Variants in B3GALT1 observed in about 807,000 individuals in gnomAD.
The protein encoded by B3GALT1 is beta-1,3-galactosyltransferase 1.
B3GALT1 carries 10 observed loss-of-function variants against 23.2 expected under a neutral mutation model. The observed-to-expected ratio is 0.43, with a 90% confidence interval of 0.27 to 0.73. The LOEUF (loss-of-function observed/expected upper bound fraction) is 0.73. Among genes scored for constraint, B3GALT1 ranks in the 30% least tolerant of loss-of-function variants. The pLI is 0.21. For synonymous variants in B3GALT1, 156 were observed against 141.5 expected (o/e 1.10, Z -0.73); for missense variants, 299 against 405.4 (o/e 0.74, Z 2.25).
intron 1 of B3GALT1, among the ~76,000 whole-genome samples, chr2:167,439,192 T>A (rs1379842212): frequency 6.6e-6 from 1 of 152,220 alleles, no homozygotes; most frequent in Non-Finnish European, 1.5e-5. Context: ...TAGTGATAAA[T>A]TTAGTAATAT....
intron 3 of B3GALT1, among the ~76,000 whole-genome samples, chr2:167,801,110 C>G (rs1688630837): frequency 6.6e-6 from 1 of 152,204 alleles, no homozygotes; most frequent in South Asian, 2.1e-4. Context: ...AGGCTCTTGG[C>G]TAGAATGCAT....
intron 3 of B3GALT1, among the ~76,000 whole-genome samples, chr2:167,708,247 G>A (rs1232316012): frequency 6.6e-6 from 1 of 152,180 alleles, no homozygotes; most frequent in Admixed American, 6.5e-5. Context: ...CAGAAGGTGT[G>A]CATAAGAATA....
chr2:167,605,615 G>A (rs1221210201), intron 2 of B3GALT1, among the ~76,000 whole-genome samples: 1 of 152,190 alleles, frequency 6.6e-6, no homozygotes, highest in Non-Finnish European at 1.5e-5. Context: ...ATATGTTAAG[G>A]CCTAGCCTTG....
rs188593026 is a variant in B3GALT1 at position 167,522,778 on chromosome 2, A to C, written c.-410+32501A>C. Among the ~76,000 whole-genome samples the C allele has an allele frequency of 3.0e-3, 452 of 152,300 alleles. 4 individuals are homozygous for C. Among genetic ancestry groups the C allele is most frequent in the African/African-American group, 0.01 (432 of 41,570 alleles). On this transcript the variant is annotated intron_variant, in intron 2 of 4. Transcript: ENST00000392690. ...TCCAAAATAAAATGGTTTTCCTTAA[A>C]TTGATATTAATATGAGATTTAATGT...
Position 167,728,935 on chromosome 2 carries a change from A to G in B3GALT1, c.-352+81969A>G, listed in dbSNP as rs1687363649. 2.0e-5 allele frequency among the ~76,000 whole-genome samples: 3 copies of G among 152,334 alleles called. No homozygotes were observed. In the South Asian group the frequency reaches 6.2e-4, roughly 32 times the overall value. The stretch of plus-strand genomic sequence containing the variant: ...TACCCTGGATTAATACACAAATGGA[A>G]ATGCTTTTTTTATCTCAGATTCTGA... On this transcript the variant is annotated intron_variant, in intron 3 of 4. Transcript: ENST00000392690.
chr2:167,667,503 G>T (rs1686224421), intron 3 of B3GALT1, among the ~76,000 whole-genome samples: 1 of 152,132 alleles, frequency 6.6e-6, no homozygotes, highest in African/African-American at 2.4e-5. Context: ...GGCCTGCCTT[G>T]CTAGATTGGG....
chr2:167,565,687 G>C (rs556011304), intron 2 of B3GALT1, among the ~76,000 whole-genome samples: 1 of 152,242 alleles, frequency 6.6e-6, no homozygotes, highest in South Asian at 2.1e-4. Context: ...TCAAAAAGTG[G>C]GCAAGGATAT....
intron 3 of B3GALT1, among the ~76,000 whole-genome samples, chr2:167,670,678 A>G (rs916350004): frequency 4.6e-5 from 7 of 152,216 alleles, no homozygotes; most frequent in Non-Finnish European, 8.8e-5. Context: ...CAGTATACAA[A>G]TAAAATGATG....
chr2:167,641,598 AT>A (rs1404974880), intron 2 of B3GALT1, among the ~76,000 whole-genome samples: 1 of 152,114 alleles, frequency 6.6e-6, no homozygotes, highest in Non-Finnish European at 1.5e-5. Context: ...ATCACTGCTT[AT>A]TTTTGCAGTG....
At chr2:167,860,373 C>A (rs1190138753) in intron 4 of B3GALT1, among the ~76,000 whole-genome samples, 1 of 152,146 alleles carries the variant, frequency 6.6e-6, no homozygotes, top group Non-Finnish European at 1.5e-5. Context: ...TTCTCTCTGT[C>A]TCTCTCGTGT....
At chr2:167,806,295 C>T (rs1208428806) in intron 3 of B3GALT1, among the ~76,000 whole-genome samples, 2 of 152,176 alleles carry the variant, frequency 1.3e-5, no homozygotes, top group Non-Finnish European at 2.9e-5. Flanking sequence ...TTGACTTCCT[C>T]TTTTCCTAAT....
intron 1 of B3GALT1, among the ~76,000 whole-genome samples, chr2:167,414,003 T>A (rs935775520): frequency 3.3e-5 from 5 of 152,146 alleles, no homozygotes; most frequent in African/African-American, 1.2e-4. Flanking sequence ...GGAAAGCAGA[T>A]ATGTTTCCTT....
chr2:167,366,612 G>A (rs886425639), intron 1 of B3GALT1, among the ~76,000 whole-genome samples: 10 of 152,240 alleles, frequency 6.6e-5, no homozygotes, highest in African/African-American at 9.6e-5. Context: ...TCCCAAAAAC[G>A]TAGTGGCCTA....
At chr2:167,379,475 C>G (rs1697812929) in intron 1 of B3GALT1, among the ~76,000 whole-genome samples, 1 of 151,918 alleles carries the variant, frequency 6.6e-6, no homozygotes, top group African/African-American at 2.4e-5. Flanking sequence ...GTAGAGATTG[C>G]TGTGTAGGGT....
intron 1 of B3GALT1, among the ~76,000 whole-genome samples, chr2:167,382,829 G>C (rs1188277192): frequency 6.6e-6 from 1 of 152,046 alleles, no homozygotes. Flanking sequence ...TAACTTTAGA[G>C]GCTGTACTTT....
chr2:167,624,081 G>A (rs1685303253), intron 2 of B3GALT1, among the ~76,000 whole-genome samples: 1 of 151,960 alleles, frequency 6.6e-6, no homozygotes, highest in Non-Finnish European at 1.5e-5. Flanking sequence ...GATTCAATGG[G>A]CTAAGAATAT....
rs1689518474 is a variant in B3GALT1, at chr2:167,837,807, CAG to C, written c.-230+19016_-230+19017del. ...GCTCTCCTCAGCAAATGTAAAAGAA[CAG>C]AAATTATAACAAACTCTCTCTCAGA... On this transcript the variant is annotated intron_variant, in intron 4 of 4. Transcript: ENST00000392690. 8.6e-5 allele frequency among the ~76,000 whole-genome samples: 13 copies of C among 151,294 alleles called. No individual in the cohort carries two copies. The South Asian group carries it at 2.7e-3, about 32-fold the overall frequency.
rs1414926075 is a variant in B3GALT1, at chr2:167,439,109, ATGTT to A, written c.-510-51059_-510-51056del. On this transcript the variant is annotated intron_variant, in intron 1 of 4. Transcript: ENST00000392690. ...ATTGCTTCTTTTTTCTTGACATCAA[ATGTT>A]TGTTTGTTATTCAAATCTTGTACGT... Among the ~76,000 whole-genome samples the A allele has an allele frequency of 5.9e-5, 9 of 152,284 alleles. No individual in the cohort carries two copies. The East Asian group carries it at 1.2e-3, about 20-fold the overall frequency.
chr2:167,324,900 A>G (rs1399442936), intron 1 of B3GALT1, among the ~76,000 whole-genome samples: 6 of 152,074 alleles, frequency 3.9e-5, no homozygotes, highest in Non-Finnish European at 7.4e-5. Context: ...AGCCTCTGGT[A>G]TCTCTCATTC....
Sources: allele counts gnomAD v4.1 joint callset (sites outside exome capture counted in the v4.1 genomes callset), GRCh38; gene constraint gnomAD v4.1.1; transcripts MANE v1.5; gene names NCBI Gene and HGNC (gene_info 2026-07-23, HGNC 2026-07-21).